FBXW7: variants seen among roughly 807,000 people sequenced by gnomAD.
FBXW7 encodes F-box and WD repeat domain containing 7.
In FBXW7, 11 loss-of-function variants were observed where a neutral mutation model predicts 86.3. That is an observed-to-expected ratio of 0.13 (90% confidence interval 0.08 to 0.21). FBXW7 has a LOEUF of 0.21. Among genes scored for constraint, FBXW7 ranks in the 10% least tolerant of loss-of-function variants. FBXW7 has a pLI of 1.00. For missense variants in FBXW7, 488 were observed against 847.4 expected (o/e 0.58, Z 5.27); for synonymous variants, 313 against 297.9 (o/e 1.05, Z -0.52).
chr4:152,487,702 T>A (rs1307571675), intron 2 of FBXW7, among the ~76,000 whole-genome samples: 1 of 152,112 alleles, frequency 6.6e-6, no homozygotes, highest in Non-Finnish European at 1.5e-5. Context: ...TTAACATTTG[T>A]TAAATTTTGG....
At chr4:152,350,147 T>C (rs1318050648) in intron 4 of FBXW7, 23 bp from the exon 5 acceptor site, 11 of 1,438,006 alleles carry the variant, frequency 7.6e-6, no homozygotes, top group Non-Finnish European at 9.4e-6. Flanking sequence ...ACAAACAAGA[T>C]ATGTTTTTTA....
At chr4:152,496,772 G>A (rs1746390066) in intron 2 of FBXW7, among the ~76,000 whole-genome samples, 1 of 152,182 alleles carries the variant, frequency 6.6e-6, no homozygotes, top group South Asian at 2.1e-4. Flanking sequence ...TAAATTCAAT[G>A]AGATTCCAAT....
At chr4:152,358,556 A>G (rs1732620888) in intron 4 of FBXW7, among the ~76,000 whole-genome samples, 1 of 152,230 alleles carries the variant, frequency 6.6e-6, no homozygotes, top group Non-Finnish European at 1.5e-5. Flanking sequence ...AAAAAATATT[A>G]ACAGCAGGAA....
chr4:152,507,229 G>C (rs1159674702), intron 2 of FBXW7, among the ~76,000 whole-genome samples: 1 of 152,122 alleles, frequency 6.6e-6, no homozygotes, highest in East Asian at 1.9e-4. Context: ...AGTGAACTGA[G>C]AGTACCTGAG....
chr4:152,490,017 A>G (rs923974477), intron 2 of FBXW7, among the ~76,000 whole-genome samples: 4 of 152,212 alleles, frequency 2.6e-5, no homozygotes, highest in Admixed American at 2.0e-4. Flanking sequence ...AAATGGAACT[A>G]GAAGTCGCTA....
chr4:152,457,457 A>G (rs1742524146), intron 2 of FBXW7, among the ~76,000 whole-genome samples: 1 of 152,102 alleles, frequency 6.6e-6, no homozygotes, highest in Non-Finnish European at 1.5e-5. Context: ...CCTGGCTAAC[A>G]CGGTGAAACC....
chr4:152,445,910 TAAAAAAAAAAAAAAAAA>T (rs11457603), intron 2 of FBXW7, among the ~76,000 whole-genome samples: 9 of 100,680 alleles, frequency 8.9e-5, no homozygotes, highest in Non-Finnish European at 1.1e-4. Context: ...ACTCTGTCTT[TAAAAAAAAAAAAAAAAA>T]AAAAAAAAAA....
intron 2 of FBXW7, among the ~76,000 whole-genome samples, chr4:152,422,960 A>C: frequency 6.6e-6 from 1 of 152,112 alleles, no homozygotes; most frequent in East Asian, 1.9e-4. Flanking sequence ...TTTATGTTTG[A>C]TCTGACTTTT....
At chr4:152,469,286 A>G (rs933008052) in intron 2 of FBXW7, among the ~76,000 whole-genome samples, 1 of 152,116 alleles carries the variant, frequency 6.6e-6, no homozygotes, top group African/African-American at 2.4e-5. Flanking sequence ...AAATCATTTT[A>G]TATCTATATA....
intron 2 of FBXW7, among the ~76,000 whole-genome samples, chr4:152,471,350 T>C (rs1743936732): frequency 7.9e-6 from 1 of 126,766 alleles, no homozygotes; most frequent in Non-Finnish European, 1.6e-5. Flanking sequence ...TTCATTACAA[T>C]TACAGGGAGG....
intron 2 of FBXW7, among the ~76,000 whole-genome samples, chr4:152,481,636 T>C (rs571921705): frequency 6.6e-5 from 10 of 152,280 alleles, no homozygotes; most frequent in South Asian, 2.1e-4. Context: ...TATTCATGAG[T>C]GGAGATCAAA....
intron 2 of FBXW7, among the ~76,000 whole-genome samples, chr4:152,434,125 A>G (rs1740163257): frequency 6.6e-6 from 1 of 152,202 alleles, no homozygotes; most frequent in Non-Finnish European, 1.5e-5. Context: ...TAGTATACCT[A>G]GATTTTGGTG....
chr4:152,506,133 T>C (rs113934171), intron 2 of FBXW7, among the ~76,000 whole-genome samples: 2,435 of 152,184 alleles, frequency 0.016, 74 homozygotes, highest in African/African-American at 0.056. Flanking sequence ...TAATTGTATG[T>C]GCTATACTTT....
rs201270631 is a variant in FBXW7, at chr4:152,323,019, T to C, written c.1986A>G (p.Thr662=). The change falls in exon 14 of 14, where the codon ACA becomes ACG. Residue 662 remains threonine, a synonymous_variant. Coordinates refer to ENST00000281708, the MANE Select transcript of FBXW7 (RefSeq NM_001349798.2). ...CTCCCCCACTCCCCCCACTCTCCAATGTGACTAGGTTTCGAATAAATTCAC... is the reference window on the plus strand; with the variant it reads ...CTCCCCCACTCCCCCCACTCTCCAACGTGACTAGGTTTCGAATAAATTCAC... ...KTGEFIRNLV[T]LESGGSGGVV... is the part of the protein sequence containing the mutation. 1.2e-6 allele frequency: 2 copies of C among 1,613,810 alleles called. No individual in the cohort carries two copies. The highest frequency in any genetic ancestry group is 1.1e-5 in the South Asian group (1 of 91,076).
chr4:152,464,422 T>C (rs1250301910), intron 2 of FBXW7, among the ~76,000 whole-genome samples: 1 of 152,026 alleles, frequency 6.6e-6, no homozygotes, highest in Non-Finnish European at 1.5e-5. Context: ...GGAAAAAGGG[T>C]ATAAAATATG....
intron 2 of FBXW7, among the ~76,000 whole-genome samples, chr4:152,515,923 A>T (rs1748445611): frequency 6.6e-6 from 1 of 152,226 alleles, no homozygotes; most frequent in Non-Finnish European, 1.5e-5. Flanking sequence ...GCCACATGGC[A>T]AGAACATGGT....
intron 13 of FBXW7, chr4:152,323,416 G>A: frequency 2.1e-6 from 1 of 487,216 alleles, no homozygotes. Flanking sequence ...TTATTTTCTG[G>A]CTGTGTGAAC....
At chr4:152,352,645 G>T (rs1478792633) in intron 4 of FBXW7, 1 of 1,613,828 alleles carries the variant, frequency 6.2e-7, no homozygotes, top group Non-Finnish European at 8.5e-7. Context: ...CGTCAGAAAA[G>T]GAAGATTAGG....
chr4:152,432,674 T>C (rs1201363628), intron 2 of FBXW7, among the ~76,000 whole-genome samples: 1 of 151,564 alleles, frequency 6.6e-6, no homozygotes, highest in East Asian at 1.9e-4. Flanking sequence ...TAGCCGGGTA[T>C]GGCGGCACAA....
Sources: gnomAD v4.1 joint callset for allele counts (sites outside exome capture counted in the v4.1 genomes callset) on GRCh38, gnomAD v4.1.1 for gene constraint, MANE v1.5 for transcripts, NCBI Gene and HGNC (gene_info 2026-07-23, HGNC 2026-07-21) for gene names.